GSDME: variants seen among roughly 807,000 people sequenced by gnomAD.
The protein encoded by GSDME is gasdermin E.
A neutral mutation model predicts 47.5 loss-of-function variants in GSDME; 44 were observed. The ratio of observed to expected loss-of-function variants is 0.93; its 90% CI spans 0.73 to 1.19. The LOEUF is 1.19. Among genes scored for constraint, GSDME ranks in the 50% most tolerant of loss-of-function variants. The probability of loss-of-function intolerance (pLI) is 0.00; values close to 1 mark genes in which losing one functional copy is unlikely to be tolerated. For missense variants in GSDME, 663 were observed against 604.2 expected (o/e 1.10, Z -1.02); for synonymous variants, 258 against 252.8 (o/e 1.02, Z -0.20).
Position 24,721,454 on chromosome 7 carries a change from T to C in GSDME, c.405-2236A>G, listed in dbSNP as rs1789783557. 6.6e-6 allele frequency among the ~76,000 whole-genome samples: 1 copy of C among 152,214 alleles called. No homozygotes were observed. Among genetic ancestry groups the C allele is most frequent in the South Asian group, 2.1e-4 (1 of 4,824 alleles). ...GCAGGGCTGGGGTTCGGATCTCAGC[T>C]CTGCCCTCCCACTGGGCAAGCTCGA... is the stretch of plus-strand genomic sequence containing the variant. On this transcript the variant is annotated intron_variant, in intron 3 of 9. Transcript: ENST00000645220. The surrounding 1 kb of genome is among the most constrained non-coding windows in gnomAD (Gnocchi z 4.1).
intron 8 of GSDME, 113 bp from the exon 9 acceptor site, chr7:24,702,946 G>C: frequency 1.2e-6 from 1 of 840,458 alleles, no homozygotes; most frequent in Non-Finnish European, 1.9e-6. Context: ...CAGCCAGGCA[G>C]GGGAGGTACT....
At chr7:24,792,733 T>C in the GSDME span, among the ~76,000 whole-genome samples, 4 of 152,168 alleles carry the variant, frequency 2.6e-5, no homozygotes, top group South Asian at 8.3e-4. Flanking sequence ...CATCCCTTTT[T>C]TGCTGTACAA....
At position 24,733,977 on chromosome 7, in the gene GSDME, G is replaced by C. The variant is rs1232517942; in HGVS notation, c.404+10585C>G. On this transcript the variant is annotated intron_variant, in intron 3 of 9. Transcript: ENST00000645220. This position sits in a 1 kb window ranked among gnomAD's most constrained non-coding sequence, Gnocchi z 4.3. Reference sequence around the variant, plus strand: ...AGTGGTTACAACAGGCCTTAGGCAAGATCCAGAGCTGTGGTGGCTTCAGTT... The same window carrying C: ...AGTGGTTACAACAGGCCTTAGGCAACATCCAGAGCTGTGGTGGCTTCAGTT... Among the ~76,000 whole-genome samples the C allele has an allele frequency of 6.6e-6, 1 of 152,238 alleles. No individual in the cohort carries two copies. The highest frequency in any genetic ancestry group is 1.9e-4 in the East Asian group (1 of 5,200).
At chr7:24,763,006 C>T in the GSDME span, among the ~76,000 whole-genome samples, 5 of 152,168 alleles carry the variant, frequency 3.3e-5, no homozygotes, top group Middle Eastern at 3.4e-3. The surrounding 1 kb of genome is among the most constrained non-coding windows in gnomAD (Gnocchi z 4.3). Flanking sequence ...TTTATGGGAG[C>T]GGCACTTTCG....
chr7:24,788,740 G>C, the GSDME span, among the ~76,000 whole-genome samples: 1 of 152,116 alleles, frequency 6.6e-6, no homozygotes, highest in Non-Finnish European at 1.5e-5. This position sits in a 1 kb window ranked among gnomAD's most constrained non-coding sequence, Gnocchi z 4.6. Flanking sequence ...GACACCTTAG[G>C]ATGTCTCAGT....
In GSDME at chr7:24,721,138, G is replaced by C. The variant is rs769857889; in HGVS notation, c.405-1920C>G. 6.8e-4 allele frequency among the ~76,000 whole-genome samples: 103 copies of C among 152,160 alleles called. No homozygotes were observed. Among genetic ancestry groups the C allele is most frequent in the Admixed American group, 1.2e-3 (18 of 15,282 alleles). ...CAGAGTTCCTAGTTGAGGTGACGAA[G>C]AAGTTCTAGAAATGCAGAGTAGAGA... On this transcript the variant is annotated intron_variant, in intron 3 of 9. Coordinates refer to ENST00000645220, the MANE Select transcript of GSDME (RefSeq NM_001127453.2). The surrounding 1 kb of genome is among the most constrained non-coding windows in gnomAD (Gnocchi z 4.1).
At chr7:24,759,820 C>T (rs1444894746), upstream of GSDME, among the ~76,000 whole-genome samples, 1 of 152,216 alleles carries the variant, frequency 6.6e-6, no homozygotes, top group Non-Finnish European at 1.5e-5. Context: ...CAGTCTGCTG[C>T]TCTCCCTGTC....
intron 2 of GSDME, among the ~76,000 whole-genome samples, chr7:24,746,916 C>T (rs917381189): frequency 1.3e-5 from 2 of 152,210 alleles, no homozygotes; most frequent in African/African-American, 4.8e-5. Context: ...GTGAAGCATC[C>T]TGACTCTACC....
intron 1 of GSDME, among the ~76,000 whole-genome samples, chr7:24,752,205 G>A (rs1044350543): frequency 2.6e-5 from 4 of 152,172 alleles, no homozygotes; most frequent in African/African-American, 7.2e-5. Context: ...ACATTGTGTT[G>A]TATTGATCTG....
At chr7:24,770,865 A>C in the GSDME span, among the ~76,000 whole-genome samples, 3 of 151,622 alleles carry the variant, frequency 2.0e-5, no homozygotes, top group East Asian at 1.9e-4. The surrounding 1 kb of genome is among the most constrained non-coding windows in gnomAD (Gnocchi z 4.6). Context: ...AAGCAAAAAG[A>C]AAAAAGGCTG....
In GSDME at chr7:24,739,833, G is replaced by A. The variant is rs1199636724; in HGVS notation, c.404+4729C>T. On this transcript the variant is annotated intron_variant, in intron 3 of 9. Coordinates refer to ENST00000645220, the MANE Select transcript of GSDME (RefSeq NM_001127453.2). The surrounding 1 kb of genome is among the most constrained non-coding windows in gnomAD (Gnocchi z 5.1). ...TCCTGGGCTGGGCGCAGTGGCTCACGCCCATAATCCTAGCACTTTGGGAGG... is the reference window on the plus strand; with the variant it reads ...TCCTGGGCTGGGCGCAGTGGCTCACACCCATAATCCTAGCACTTTGGGAGG... Among the ~76,000 whole-genome samples the A allele has an allele frequency of 3.3e-5, 5 of 152,184 alleles. No homozygotes were observed. The highest frequency in any genetic ancestry group is 3.9e-4 in the East Asian group (2 of 5,180).
Position 24,716,425 on chromosome 7 carries a change from A to G in GSDME, c.697+829T>C, listed in dbSNP as rs1789555684. 6.6e-6 allele frequency: 1 copy of G among 152,276 alleles called. No individual in the cohort carries two copies. Among genetic ancestry groups the G allele is most frequent in the Admixed American group, 6.5e-5 (1 of 15,286 alleles). The allele number at this position is 152,276 out of a possible 1,614,324, so 9.4% of individuals were successfully genotyped here. A position where few individuals can be genotyped will look rare whatever the true frequency, so the allele number is the denominator to read the frequency against. ...GATAGGATGACTCATTTTTATAAAT[A>G]TAACTATAATACCATTGTCACACCT... On this transcript the variant is annotated intron_variant, in intron 5 of 9. Transcript: ENST00000645220. The surrounding 1 kb of genome is among the most constrained non-coding windows in gnomAD (Gnocchi z 4.5).
rs1481613494 is a variant in GSDME, at chr7:24,708,268, G to C, written c.863-14C>G. The C allele has an allele frequency of 6.2e-7, 1 of 1,613,842 alleles. No homozygotes were observed. The highest frequency in any genetic ancestry group is 8.5e-7 in the Non-Finnish European group (1 of 1,180,016). On this transcript the variant is annotated splice_polypyrimidine_tract_variant and intron_variant, in intron 6 of 9. Transcript: ENST00000645220. ...GGAGCAGGGTCGCTGTGAAAACAAA[G>C]CACACCCAAGTCTCATGACTGCGAT...
Position 24,744,617 on chromosome 7 carries a change from T to A in GSDME, c.349A>T (p.Thr117Ser), listed in dbSNP as rs753364605. The change falls in exon 3 of 10, where the codon ACC becomes TCC. Residue 117 changes from threonine to serine, a missense_variant. Physicochemically the swap from Thr to Ser is moderately conservative, Grantham distance 58 (BLOSUM62 1). Transcript: ENST00000645220. This position sits in a 1 kb window ranked among gnomAD's most constrained non-coding sequence, Gnocchi z 4.5. ...AAATCCACCTCCTGCTTCCTCAGGG[T>A]TCCAAATGAAGACTGGCTCTCTACG... is the stretch of plus-strand genomic sequence containing the variant. ...SRVESQSSFG[T>S]LRKQEVDLQQ... is the part of the protein sequence containing the mutation. 20 of 1,613,908 alleles carry A rather than the reference T, an allele frequency of 1.2e-5. No homozygotes were observed. In the African/African-American group the frequency reaches 2.7e-4, roughly 22 times the overall value.
intron 1 of GSDME, among the ~76,000 whole-genome samples, chr7:24,753,479 T>C (rs1302598928): frequency 1.3e-5 from 2 of 152,210 alleles, no homozygotes; most frequent in Non-Finnish European, 2.9e-5. Context: ...AAATACCCCA[T>C]ACGGATGTCC....
At chr7:24,751,475 C>T (rs998689820) in intron 1 of GSDME, among the ~76,000 whole-genome samples, 44 of 152,168 alleles carry the variant, frequency 2.9e-4, no homozygotes, top group African/African-American at 1.0e-3. Context: ...GAATCTCTTT[C>T]GGGGCATGGG....
In GSDME at chr7:24,749,691, A is replaced by G. The variant is rs201189985; in HGVS notation, c.84T>C (p.Ser28=). The G allele has an allele frequency of 1.2e-6, 2 of 1,614,078 alleles. No homozygotes were observed. Among genetic ancestry groups the G allele is most frequent in the East Asian group, 4.5e-5 (2 of 44,878 alleles). ...DLIAVSNLND[S]DKLQLLSLVT... is the part of the protein sequence containing the mutation. ...CCAGACTTAGAAGCTGTAACTTATC[A>G]GAGTCATTCAGATTTGATACTGCAA... The change falls in exon 2 of 10, where the codon TCT becomes TCC. Residue 28 remains serine (S), a synonymous_variant. Transcript: ENST00000645220.
At chr7:24,766,343 T>C in the GSDME span, among the ~76,000 whole-genome samples, 1 of 152,072 alleles carries the variant, frequency 6.6e-6, no homozygotes, top group African/African-American at 2.4e-5. The surrounding 1 kb of genome is among the most constrained non-coding windows in gnomAD (Gnocchi z 4.2). Flanking sequence ...CTGGGGTACA[T>C]GTGCAGATGT....
intron 9 of GSDME, chr7:24,702,372 T>C (rs1788904248): frequency 2.8e-6 from 1 of 351,382 alleles, no homozygotes; most frequent in African/African-American, 2.1e-5. Context: ...CTGGCAAATC[T>C]GCTGCAGAGC....
Sources: allele counts gnomAD v4.1 joint callset (sites outside exome capture counted in the v4.1 genomes callset), GRCh38; gene constraint gnomAD v4.1.1; non-coding constraint Gnocchi (gnomAD v3.1); transcripts MANE v1.5; gene names NCBI Gene and HGNC (gene_info 2026-07-23, HGNC 2026-07-21).